Variants in CHL1 observed in about 807,000 individuals in gnomAD.
The protein encoded by CHL1 is neural cell adhesion molecule L1-like protein.
In CHL1, 96 loss-of-function variants were observed where a neutral mutation model predicts 141.9. The ratio of observed to expected loss-of-function variants is 0.68; its 90% CI spans 0.57 to 0.80. The LOEUF (loss-of-function observed/expected upper bound fraction) is 0.80. Among genes scored for constraint, CHL1 ranks in the 30% least tolerant of loss-of-function variants. CHL1 has a pLI of 0.00. For synonymous variants in CHL1, 613 were observed against 502.2 expected (o/e 1.22, Z -2.95); for missense variants, 1,820 against 1,457.2 (o/e 1.25, Z -4.05).
In CHL1 at chr3:254,090, TG is replaced by T. The variant is rs369040483; in HGVS notation, c.-95+9401del. On this transcript the variant is annotated intron_variant, in intron 2 of 27. Transcript: ENST00000256509. ...GAGAACCAGCTGCTTCCCCAGCTGC[TG>T]GGATGTGTCCAGTAGCTAGCACTTA... Among the ~76,000 whole-genome samples the T allele has an allele frequency of 3.2e-4, 49 of 152,340 alleles. 1 individual carries two copies. In the East Asian group the frequency reaches 8.9e-3, roughly 28 times the overall value.
At chr3:271,733 A>G (rs574744952) in intron 2 of CHL1, among the ~76,000 whole-genome samples, 5 of 152,358 alleles carry the variant, frequency 3.3e-5, no homozygotes, top group African/African-American at 9.6e-5. Flanking sequence ...TATCTGAAAA[A>G]TAGATTCAGA....
intron 2 of CHL1, among the ~76,000 whole-genome samples, chr3:294,988 T>C (rs1048953924): frequency 8.5e-5 from 13 of 152,230 alleles, no homozygotes; most frequent in Non-Finnish European, 1.9e-4. Context: ...CTTATTAAAA[T>C]GGTAATAATT....
chr3:362,152 G>C (rs1359089765), intron 13 of CHL1, among the ~76,000 whole-genome samples: 1 of 151,950 alleles, frequency 6.6e-6, no homozygotes, highest in Non-Finnish European at 1.5e-5. Context: ...TGTTGTTTTG[G>C]GATTATCTAA....
At chr3:245,330 A>G (rs894641114) in intron 2 of CHL1, among the ~76,000 whole-genome samples, 2 of 152,164 alleles carry the variant, frequency 1.3e-5, no homozygotes, top group Non-Finnish European at 2.9e-5. Flanking sequence ...TAAGCTGTTT[A>G]GCTATTTTGA....
chr3:312,073 G>C (rs1699795543), intron 2 of CHL1, among the ~76,000 whole-genome samples: 1 of 152,110 alleles, frequency 6.6e-6, no homozygotes, highest in African/African-American at 2.4e-5. Context: ...TATATAACCT[G>C]TATGTATATA....
chr3:312,607 A>G (rs2648465), intron 2 of CHL1, among the ~76,000 whole-genome samples: 56,946 of 152,052 alleles, frequency 0.37, 12,150 homozygotes, highest in African/African-American at 0.6. Flanking sequence ...AACTGATTCC[A>G]AACCAGGGGA....
chr3:382,257 C>T lies in CHL1; in HGVS notation c.1955C>T (p.Ala652Val), dbSNP rs749288999. The T allele has an allele frequency of 6.2e-6, 10 of 1,613,666 alleles. No homozygotes were observed. Among genetic ancestry groups the T allele is most frequent in the Non-Finnish European group, 8.5e-6 (10 of 1,179,658 alleles). ...RSVRLTWEAGADHNSNISEYI... is the reference protein window; with the variant it reads ...RSVRLTWEAGVDHNSNISEYI... The stretch of plus-strand genomic sequence containing the variant: ...GTTCGGCTGACCTGGGAAGCTGGAG[C>T]TGACCACAACAGCAATATTAGCGGT... Residue 652 changes from alanine to valine, a missense_variant, in exon 17 of 28, where the codon GCT becomes GTT. Coordinates refer to ENST00000256509, the MANE Select transcript of CHL1 (RefSeq NM_006614.4).
chr3:347,635 A>G (rs1366547197), intron 9 of CHL1, among the ~76,000 whole-genome samples: 1 of 152,180 alleles, frequency 6.6e-6, no homozygotes, highest in Non-Finnish European at 1.5e-5. Context: ...TGGACTCTTG[A>G]AAAAATCCTG....
At chr3:279,126 A>G (rs1003145453) in intron 2 of CHL1, among the ~76,000 whole-genome samples, 2 of 152,270 alleles carry the variant, frequency 1.3e-5, no homozygotes, top group South Asian at 4.1e-4. Flanking sequence ...TTTAAGTCTT[A>G]AAACTGCAAT....
chr3:371,386 T>G (rs1251920319), intron 15 of CHL1, among the ~76,000 whole-genome samples: 1 of 152,210 alleles, frequency 6.6e-6, no homozygotes, highest in Non-Finnish European at 1.5e-5. Flanking sequence ...TTCTGATCTT[T>G]GTTGGTTTTA....
intron 2 of CHL1, among the ~76,000 whole-genome samples, chr3:246,179 A>G (rs571356293): frequency 9.2e-5 from 14 of 152,216 alleles, no homozygotes; most frequent in Admixed American, 3.3e-4. Context: ...TGAACAAAAT[A>G]CAATACCCAG....
At chr3:249,077 C>A (rs1693443170) in intron 2 of CHL1, among the ~76,000 whole-genome samples, 1 of 152,188 alleles carries the variant, frequency 6.6e-6, no homozygotes, top group African/African-American at 2.4e-5. Flanking sequence ...AAATCACAGA[C>A]ATCTCTTCTA....
At chr3:258,152 G>T (rs1365848623) in intron 2 of CHL1, among the ~76,000 whole-genome samples, 1 of 152,170 alleles carries the variant, frequency 6.6e-6, no homozygotes, top group Non-Finnish European at 1.5e-5. Flanking sequence ...ACGTTCACTT[G>T]CTCCCCCATG....
intron 3 of CHL1, among the ~76,000 whole-genome samples, chr3:322,646 A>ATATATATATATATATATATATAATTT (rs1559252631): frequency 3.7e-5 from 1 of 27,252 alleles, no homozygotes; most frequent in African/African-American, 5.4e-4. Context: ...TATATATAAA[A>ATATATATATATATATATATATAATTT]TATATATATA....
intron 2 of CHL1, among the ~76,000 whole-genome samples, chr3:280,791 C>G (rs1229033873): frequency 1.3e-5 from 2 of 152,030 alleles, no homozygotes; most frequent in East Asian, 3.9e-4. Context: ...AATCATTACT[C>G]TTCTTTAATG....
intron 18 of CHL1, 47 bp downstream of exon 18, chr3:382,718 C>G: frequency 6.6e-7 from 1 of 1,518,782 alleles, no homozygotes; most frequent in Non-Finnish European, 9.1e-7. Flanking sequence ...TTTGTTTGTC[C>G]CCATCTTTGA....
intron 16 of CHL1, among the ~76,000 whole-genome samples, chr3:378,174 T>C (rs1706578330): frequency 6.6e-6 from 1 of 152,116 alleles, no homozygotes; most frequent in Non-Finnish European, 1.5e-5. Flanking sequence ...CCAATAGCAG[T>C]GGGAGGTAAG....
chr3:252,561 G>T (rs1335973096), intron 2 of CHL1, among the ~76,000 whole-genome samples: 1 of 151,122 alleles, frequency 6.6e-6, no homozygotes, highest in Non-Finnish European at 1.5e-5. Flanking sequence ...TAGAAAACTG[G>T]GCCATTGATT....
chr3:197,888 G>C (rs1187896690), intron 1 of CHL1: 1 of 263,530 alleles, frequency 3.8e-6, no homozygotes, highest in East Asian at 1.3e-4. Flanking sequence ...TTTTTTTTTT[G>C]GAGTGTGAGT....
Sources: gnomAD v4.1 joint callset for allele counts (sites outside exome capture counted in the v4.1 genomes callset) on GRCh38, gnomAD v4.1.1 for gene constraint, MANE v1.5 for transcripts, NCBI Gene and HGNC (gene_info 2026-07-23, HGNC 2026-07-21) for gene names.